The following NREP variants were observed in gnomAD, a reference collection of about 807,000 sequenced individuals.
NREP encodes the protein neuronal regeneration related protein, also known as neuronal regeneration-related protein.
In NREP, 5 loss-of-function variants were observed where a neutral mutation model predicts 8.6. The observed-to-expected ratio is 0.58, with a 90% CI of 0.30 to 1.22. The LOEUF (loss-of-function observed/expected upper bound fraction) is 1.22, where lower values mean the gene tolerates loss of function less well. Ranked by LOEUF, NREP falls within the 50% of genes most tolerant of loss-of-function variation. The probability of loss-of-function intolerance (pLI) is 0.07; values close to 1 mark genes in which losing one functional copy is unlikely to be tolerated. For missense variants in NREP, 86 were observed against 82.5 expected (o/e 1.04, Z -0.17); for synonymous variants, 27 against 28.0 (o/e 0.96, Z 0.11).
intron 2 of NREP, among the ~76,000 whole-genome samples, chr5:111,765,040 T>C (rs1422929429): frequency 2.0e-5 from 3 of 152,158 alleles, no homozygotes; most frequent in Non-Finnish European, 4.4e-5. Context: ...ATAACACTGA[T>C]TGGACTGTCT....
intron 2 of NREP, chr5:111,975,223 C>T: frequency 7.3e-7 from 1 of 1,368,942 alleles, no homozygotes; most frequent in Non-Finnish European, 1.0e-6. Flanking sequence ...GGAAACCCAA[C>T]TTGAACTAGC....
chr5:111,886,004 G>A (rs1484449242), intron 2 of NREP, among the ~76,000 whole-genome samples: 1 of 152,122 alleles, frequency 6.6e-6, no homozygotes, highest in Admixed American at 6.5e-5. Flanking sequence ...CTTCTGCACA[G>A]CAAAAGAAAC....
intron 2 of NREP, among the ~76,000 whole-genome samples, chr5:111,885,909 T>C (rs1303848917): frequency 2.6e-5 from 4 of 152,126 alleles, no homozygotes; most frequent in Admixed American, 6.5e-5. Context: ...GACATAGGCA[T>C]GGGCAAGGAC....
At chr5:111,910,662 G>C (rs1482871279) in intron 2 of NREP, among the ~76,000 whole-genome samples, 1 of 151,966 alleles carries the variant, frequency 6.6e-6, no homozygotes, top group Non-Finnish European at 1.5e-5. Flanking sequence ...ACCAGGCTGT[G>C]GAGCTGAGGA....
rs114174512 is a variant in NREP, at chr5:111,769,887, A to G, written c.136-34380T>C. On this transcript the variant is annotated intron_variant, in intron 2 of 3. Transcript: ENST00000395634. The stretch of plus-strand genomic sequence containing the variant: ...CTCTTCCCCAACACTGAGAATTACA[A>G]TTTGACTTGAGATCTGGGTGGGGAC... Among the ~76,000 whole-genome samples the G allele has an allele frequency of 4.2e-3, 636 of 152,308 alleles. 9 individuals carry two copies. Among genetic ancestry groups the G allele is most frequent in the African/African-American group, 0.015 (613 of 41,574 alleles).
intron 2 of NREP, among the ~76,000 whole-genome samples, chr5:111,963,480 G>A (rs1314275304): frequency 6.6e-6 from 1 of 152,092 alleles, no homozygotes; most frequent in Non-Finnish European, 1.5e-5. Flanking sequence ...AGAATGAGAA[G>A]AAATAGAGCA....
At chr5:111,861,364 T>C (rs1000581664) in intron 2 of NREP, among the ~76,000 whole-genome samples, 1 of 152,162 alleles carries the variant, frequency 6.6e-6, no homozygotes, top group African/African-American at 2.4e-5. Context: ...TGGCTACTGA[T>C]ACGCCAGGGA....
Position 111,772,044 on chromosome 5 carries a change from T to C in NREP, c.136-36537A>G, listed in dbSNP as rs557364319. The stretch of plus-strand genomic sequence containing the variant: ...GAACTTTTAGAGGAAATGAAGTTAT[T>C]AGGAATTCCACGATCTGTAAAACAG... On this transcript the variant is annotated intron_variant, in intron 2 of 3. Coordinates refer to the NREP transcript ENST00000395634. Among the ~76,000 whole-genome samples the C allele has an allele frequency of 2.0e-5, 3 of 152,328 alleles. No individual in the cohort carries two copies. The East Asian group carries it at 5.8e-4, about 29-fold the overall frequency.
At position 111,816,308 on chromosome 5, in the gene NREP, A is replaced by G. The variant is rs1421639471; in HGVS notation, c.136-80801T>C. ...AAATGATCCTACATAGAGGCACAAT[A>G]TTGTGTGAAAAAATATATAGCTCCA... is the stretch of plus-strand genomic sequence containing the variant. On this transcript the variant is annotated intron_variant, in intron 2 of 3. Coordinates refer to the NREP transcript ENST00000395634. Among the ~76,000 whole-genome samples, 5 of 152,312 alleles carry G rather than the reference A, an allele frequency of 3.3e-5. No homozygotes were observed. The East Asian group carries it at 9.6e-4, about 29-fold the overall frequency.
chr5:111,771,220 A>G (rs967963484), intron 2 of NREP, among the ~76,000 whole-genome samples: 1 of 152,186 alleles, frequency 6.6e-6, no homozygotes, highest in Non-Finnish European at 1.5e-5. Context: ...TTGAGGAGGT[A>G]CATTTTCAGA....
chr5:111,742,117 G>T (rs549946919), intron 2 of NREP, among the ~76,000 whole-genome samples: 1 of 152,078 alleles, frequency 6.6e-6, no homozygotes, highest in Non-Finnish European at 1.5e-5. Context: ...CATTAGCTTC[G>T]CTTCGGGTGT....
At position 111,936,343 on chromosome 5, in the gene NREP, C is replaced by T. The variant is rs1162347022; in HGVS notation, c.135+38931G>A. On this transcript the variant is annotated intron_variant, in intron 2 of 3. Coordinates refer to the NREP transcript ENST00000395634. ...AGTGTGTGACAGTTCCTCCTTCACA[C>T]ACTCTCTCTTTCCTGCTGCTATGTA... is the stretch of plus-strand genomic sequence containing the variant. 3.9e-5 allele frequency among the ~76,000 whole-genome samples: 6 copies of T among 152,180 alleles called. No homozygotes were observed. In the East Asian group the frequency reaches 9.7e-4, roughly 25 times the overall value.
At chr5:111,880,021 G>A (rs1383639000) in intron 2 of NREP, among the ~76,000 whole-genome samples, 1 of 152,162 alleles carries the variant, frequency 6.6e-6, no homozygotes, top group Non-Finnish European at 1.5e-5. Context: ...GTTTATAACA[G>A]TGCTTGAAAT....
intron 2 of NREP, among the ~76,000 whole-genome samples, chr5:111,863,664 ATCAAGGTAAAGTAAG>A: frequency 6.6e-6 from 1 of 152,166 alleles, no homozygotes; most frequent in Non-Finnish European, 1.5e-5. Flanking sequence ...GTATCACTGA[ATCAAGGTAAAGTAAG>A]TACTTTAATA....
chr5:111,784,944 G>A (rs575378574), intron 2 of NREP, among the ~76,000 whole-genome samples: 1 of 152,242 alleles, frequency 6.6e-6, no homozygotes, highest in Non-Finnish European at 1.5e-5. Flanking sequence ...GAGCAGGGGG[G>A]AGCTGCTCTA....
chr5:111,851,849 G>GT (rs1322661771), intron 2 of NREP, among the ~76,000 whole-genome samples: 1 of 152,110 alleles, frequency 6.6e-6, no homozygotes, highest in Admixed American at 6.6e-5. Flanking sequence ...TAATGAGCAT[G>GT]TATTTCAAAA....
At chr5:111,918,120 T>C (rs1190430689) in intron 2 of NREP, among the ~76,000 whole-genome samples, 1 of 151,734 alleles carries the variant, frequency 6.6e-6, no homozygotes, top group East Asian at 1.9e-4. Flanking sequence ...TGCTACAAAA[T>C]AATAAAATAC....
intron 2 of NREP, among the ~76,000 whole-genome samples, chr5:111,748,906 A>T (rs1347749523): frequency 6.6e-6 from 1 of 152,152 alleles, no homozygotes; most frequent in Non-Finnish European, 1.5e-5. Flanking sequence ...AGAAAGTTAA[A>T]CATGTGATAA....
chr5:111,731,013 T>G lies in NREP; in HGVS notation c.115A>C (p.Lys39Gln), dbSNP rs749510226. The G allele has an allele frequency of 8.1e-6, 13 of 1,613,954 alleles. No homozygotes were observed. The South Asian group carries it at 1.4e-4, about 18-fold the overall frequency. ...GCAGCGTTTGTCTCATCGTTCTTCT[T>G]GCGGTTCACTTCCTTTGGGACAGGA... is the stretch of plus-strand genomic sequence containing the variant. ...RLPVPKEVNR[K>Q]KNDETNAASL... Residue 39 changes from lysine (K) to glutamine (Q), a missense_variant, in exon 4 of 4, where the codon AAG becomes CAG. Transcript: ENST00000257435.
Sources: gnomAD v4.1 joint callset for allele counts (sites outside exome capture counted in the v4.1 genomes callset) on GRCh38, gnomAD v4.1.1 for gene constraint, MANE v1.5 for transcripts, NCBI Gene and HGNC (gene_info 2026-07-23, HGNC 2026-07-21) for gene names.